Variants in MAPRE2 observed in about 807,000 individuals in gnomAD.
The protein encoded by MAPRE2 is microtubule associated protein RP/EB family member 2.
MAPRE2 carries 13 observed loss-of-function variants against 43.2 expected under a neutral mutation model. The ratio of observed to expected loss-of-function variants is 0.30; its 90% CI spans 0.20 to 0.48. The LOEUF is 0.48. MAPRE2 is among the 20% of genes least tolerant of loss of function. The pLI is 0.99. For synonymous variants in MAPRE2, 135 were observed against 148.8 expected (o/e 0.91, Z 0.68); for missense variants, 161 against 400.2 (o/e 0.40, Z 5.10).
chr18:35,024,675 G>T (rs1242807606), intron 2 of MAPRE2, among the ~76,000 whole-genome samples: 2 of 152,118 alleles, frequency 1.3e-5, no homozygotes, highest in East Asian at 3.9e-4. Context: ...CATTTGCCTG[G>T]CTGATATTCA....
chr18:35,053,002 T>TCC lies in MAPRE2; in HGVS notation c.122+11347_122+11348dup, dbSNP rs34648453. 1.8e-3 allele frequency among the ~76,000 whole-genome samples: 181 copies of TCC among 99,244 alleles called. 3 individuals carry two copies. Among genetic ancestry groups the TCC allele is most frequent in the East Asian group, 5.6e-3 (17 of 3,046 alleles). The allele number at this position is 99,244 out of a possible 152,430, so 65.1% of individuals were successfully genotyped here. On this transcript the variant is annotated intron_variant, in intron 1 of 6. Transcript: ENST00000300249. ...TTATATTCTTAACTTGAATATAAAG[T>TCC]CCCCCCCACACACACACACAAAAAG... is the stretch of plus-strand genomic sequence containing the variant.
chr18:35,092,735 GAACTC>G (rs1485693464), intron 2 of MAPRE2, among the ~76,000 whole-genome samples: 1 of 152,038 alleles, frequency 6.6e-6, no homozygotes, highest in Non-Finnish European at 1.5e-5. Flanking sequence ...CTAATATAAG[GAACTC>G]AACTCAGTAG....
At chr18:35,091,702 A>C (rs965601928) in intron 2 of MAPRE2, among the ~76,000 whole-genome samples, 1 of 151,850 alleles carries the variant, frequency 6.6e-6, no homozygotes, top group Non-Finnish European at 1.5e-5. Context: ...TGAGTGGGCT[A>C]TCCCACTCTC....
At chr18:34,995,856 A>AGT (rs146677299) in intron 1 of MAPRE2, among the ~76,000 whole-genome samples, 2 of 152,026 alleles carry the variant, frequency 1.3e-5, no homozygotes, top group African/African-American at 2.4e-5. Context: ...AAGCACAGAG[A>AGT]GTGTGTGTGT....
chr18:35,062,927 C>G (rs1289436337), intron 1 of MAPRE2, among the ~76,000 whole-genome samples: 1 of 152,008 alleles, frequency 6.6e-6, no homozygotes, highest in Admixed American at 6.5e-5. Context: ...ATGTATTTAC[C>G]CTAAACTGTT....
intron 2 of MAPRE2, among the ~76,000 whole-genome samples, chr18:35,013,853 G>T (rs2097036408): frequency 6.6e-6 from 1 of 152,098 alleles, no homozygotes; most frequent in South Asian, 2.1e-4. Context: ...TGAAAGACCA[G>T]ATTTTGTTCT....
intron 1 of MAPRE2, among the ~76,000 whole-genome samples, chr18:35,048,195 T>A (rs1474152613): frequency 6.6e-6 from 1 of 151,312 alleles, no homozygotes; most frequent in Non-Finnish European, 1.5e-5. Flanking sequence ...AGAGAGGGAG[T>A]GGAGGGGGAG....
At chr18:35,105,202 AC>A (rs1908849377) in intron 4 of MAPRE2, among the ~76,000 whole-genome samples, 1 of 152,180 alleles carries the variant, frequency 6.6e-6, no homozygotes, top group South Asian at 2.1e-4. Flanking sequence ...CTCTTGGGTG[AC>A]AATGCTCAGG....
chr18:35,057,680 T>C (rs1296979946), intron 1 of MAPRE2, among the ~76,000 whole-genome samples: 1 of 152,126 alleles, frequency 6.6e-6, no homozygotes, highest in Non-Finnish European at 1.5e-5. Flanking sequence ...TGGTATCTGG[T>C]TGCCCAAACA....
At chr18:35,050,520 C>T (rs532156715) in intron 1 of MAPRE2, among the ~76,000 whole-genome samples, 5 of 152,246 alleles carry the variant, frequency 3.3e-5, no homozygotes, top group East Asian at 3.9e-4. Flanking sequence ...TTTTGTGATG[C>T]GTCCAGCCTG....
intron 2 of MAPRE2, among the ~76,000 whole-genome samples, chr18:35,094,862 C>T (rs1908329914): frequency 6.6e-6 from 1 of 152,190 alleles, no homozygotes; most frequent in African/African-American, 2.4e-5. Flanking sequence ...GTGTTTATAT[C>T]ATTTCCTCAA....
intron 1 of MAPRE2, among the ~76,000 whole-genome samples, chr18:35,063,652 G>A (rs1346003270): frequency 6.6e-6 from 1 of 152,044 alleles, no homozygotes; most frequent in African/African-American, 2.4e-5. Flanking sequence ...AGATGAACTT[G>A]CCTGAATTTG....
intron 4 of MAPRE2, among the ~76,000 whole-genome samples, chr18:35,106,528 A>G (rs28417300): frequency 0.032 from 4,847 of 152,200 alleles, 248 homozygotes; most frequent in African/African-American, 0.11. Flanking sequence ...TGTACAGACT[A>G]CTTATATAAG....
rs1491099207 is a variant in MAPRE2, at chr18:34,985,052, T to TAAAA, written c.-70+7973_-70+7974insAAAA. Reference sequence around the variant, plus strand: ...TAAAATATATAATATATAAAATATATTATATAATATATAAAATAAAATATA... The same window carrying TAAAA: ...TAAAATATATAATATATAAAATATATAAAATATATAATATATAAAATAAAATATA... On this transcript the variant is annotated intron_variant, in intron 1 of 7. Coordinates refer to the MAPRE2 transcript ENST00000413393. Among the ~76,000 whole-genome samples the TAAAA allele has an allele frequency of 2.3e-4, 12 of 51,616 alleles. 1 individual carries two copies. Among genetic ancestry groups the TAAAA allele is most frequent in the Admixed American group, 3.4e-4 (1 of 2,920 alleles). The allele number at this position is 51,616 out of a possible 152,430, so 33.9% of individuals were successfully genotyped here.
chr18:35,046,266 C>T (rs1012683349), intron 1 of MAPRE2, among the ~76,000 whole-genome samples: 8 of 152,146 alleles, frequency 5.3e-5, no homozygotes, highest in Non-Finnish European at 1.2e-4. Flanking sequence ...GATCTTGAGT[C>T]CTAGTAAAGT....
At chr18:35,080,333 A>G (rs956166975) in intron 2 of MAPRE2, among the ~76,000 whole-genome samples, 4 of 152,226 alleles carry the variant, frequency 2.6e-5, no homozygotes, top group African/African-American at 9.6e-5. Flanking sequence ...ACAAAACACA[A>G]CACAGATCAT....
intron 2 of MAPRE2, among the ~76,000 whole-genome samples, chr18:35,083,758 A>G (rs1907748662): frequency 6.6e-6 from 1 of 152,212 alleles, no homozygotes; most frequent in South Asian, 2.1e-4. Context: ...ACCATTAATC[A>G]GCAGACGAAA....
chr18:35,131,329 G>T (rs1910131597), intron 5 of MAPRE2, among the ~76,000 whole-genome samples: 1 of 152,154 alleles, frequency 6.6e-6, no homozygotes, highest in South Asian at 2.1e-4. Flanking sequence ...TCCTGCAGAA[G>T]ATGAACAAGT....
rs764722099 is a variant in MAPRE2 at position 35,041,495 on chromosome 18, C to T, written c.-45C>T. 13 of 1,613,560 alleles carry T rather than the reference C, an allele frequency of 8.1e-6. No individual in the cohort carries two copies. The East Asian group carries it at 1.8e-4, about 22-fold the overall frequency. On this transcript the variant is annotated 5_prime_UTR_variant, in exon 1 of 7. Coordinates refer to ENST00000300249, the MANE Select transcript of MAPRE2 (RefSeq NM_014268.4). ...CGGGAAGACGCAGCCACCTTCCTCA[C>T]CAGCCAGCCCACAGCGGTTTGTTCC... is the stretch of plus-strand genomic sequence containing the variant.
Sources: gnomAD v4.1 joint callset for allele counts (sites outside exome capture counted in the v4.1 genomes callset) on GRCh38, gnomAD v4.1.1 for gene constraint, MANE v1.5 for transcripts, NCBI Gene and HGNC (gene_info 2026-07-23, HGNC 2026-07-21) for gene names.